Variants in SLAMF9 observed in about 807,000 individuals in gnomAD.
The protein encoded by SLAMF9 is SLAM family member 9, also known as CD2 family member 10.
SLAMF9 carries 25 observed loss-of-function variants against 30.4 expected under a neutral mutation model. The ratio of observed to expected loss-of-function variants is 0.82; its 90% CI spans 0.60 to 1.15. SLAMF9 has a LOEUF of 1.15. Among genes scored for constraint, SLAMF9 ranks in the 50% most tolerant of loss-of-function variants. The pLI is 0.00. For missense variants in SLAMF9, 344 were observed against 346.1 expected (o/e 0.99, Z 0.05); for synonymous variants, 129 against 127.2 (o/e 1.01, Z -0.09).
rs570171644 is a variant in SLAMF9, at chr1:159,953,956, C to T, written c.46+136G>A. The T allele has an allele frequency of 1.4e-5, 15 of 1,063,832 alleles. No individual in the cohort carries two copies. The East Asian group carries it at 3.0e-4, about 21-fold the overall frequency. The allele number at this position is 1,063,832 out of a possible 1,614,324, so 65.9% of individuals were successfully genotyped here. On this transcript the variant is annotated intron_variant, in intron 1 of 3. Coordinates refer to ENST00000368093, the MANE Select transcript of SLAMF9 (RefSeq NM_033438.4). Reference sequence around the variant, plus strand: ...CTCTCGGTCCTGCCCTGAAGCCACACACCCTACTCCTTGTAACTCCAGAAG... The same window carrying T: ...CTCTCGGTCCTGCCCTGAAGCCACATACCCTACTCCTTGTAACTCCAGAAG...
chr1:159,955,171 G>C (rs912110037), upstream of SLAMF9, among the ~76,000 whole-genome samples: 1 of 151,940 alleles, frequency 6.6e-6, no homozygotes, highest in African/African-American at 2.4e-5. Flanking sequence ...ACTTTAAATC[G>C]TTTTGTGAGA....
At position 159,952,546 on chromosome 1, in the gene SLAMF9, G is replaced by A. The variant is rs1021231513; in HGVS notation, c.392-12C>T. ...CTCTGACAGCCATCCTGGATGAAGGGGAAACACAAAGACCCTCTAAACAAT... is the reference window on the plus strand; with the variant it reads ...CTCTGACAGCCATCCTGGATGAAGGAGAAACACAAAGACCCTCTAAACAAT... On this transcript the variant is annotated splice_polypyrimidine_tract_variant and intron_variant, in intron 2 of 3. Transcript: ENST00000368093. 5.6e-6 allele frequency: 9 copies of A among 1,611,858 alleles called. No individual in the cohort carries two copies. The highest frequency in any genetic ancestry group is 7.6e-6 in the Non-Finnish European group (9 of 1,178,854).
the SLAMF9 span, among the ~76,000 whole-genome samples, chr1:159,963,130 G>A: frequency 3.3e-5 from 5 of 152,172 alleles, no homozygotes; most frequent in African/African-American, 9.7e-5. Context: ...TTTATAGGGT[G>A]GTTGGGAAAA....
At chr1:159,973,886 G>A in the SLAMF9 span, 2 of 1,612,150 alleles carry the variant, frequency 1.2e-6, no homozygotes, top group South Asian at 2.2e-5. Context: ...ACTGGCCACG[G>A]CTCTGCATTG....
the SLAMF9 span, among the ~76,000 whole-genome samples, chr1:159,975,605 T>G: frequency 6.6e-6 from 1 of 151,968 alleles, no homozygotes; most frequent in Admixed American, 6.6e-5. Flanking sequence ...TGAATCAAAC[T>G]TGCATTCGAG....
At chr1:159,954,346 A>G, upstream of SLAMF9, 1 of 439,512 alleles carries the variant, frequency 2.3e-6, no homozygotes, top group East Asian at 3.7e-5. Context: ...GTTCTCTTTC[A>G]GATCCTGATT....
chr1:159,980,605 G>C, the SLAMF9 span: 1 of 152,160 alleles, frequency 6.6e-6, no homozygotes, highest in Non-Finnish European at 1.5e-5. Context: ...GCAATGGTGC[G>C]ATCTCAGTTC....
At chr1:159,957,121 C>CGAA (rs1651938498), upstream of SLAMF9, among the ~76,000 whole-genome samples, 1 of 73,186 alleles carries the variant, frequency 1.4e-5, no homozygotes, top group Non-Finnish European at 2.2e-5. Context: ...GACTCTGTCT[C>CGAA]AAAAAAAAAA....
chr1:159,969,184 G>A, the SLAMF9 span, among the ~76,000 whole-genome samples: 2 of 151,526 alleles, frequency 1.3e-5, no homozygotes, highest in African/African-American at 2.4e-5. Flanking sequence ...GGAAGAAGAG[G>A]TGGAGAGAAG....
the SLAMF9 span, among the ~76,000 whole-genome samples, chr1:159,970,857 T>A: frequency 6.6e-6 from 1 of 152,232 alleles, no homozygotes; most frequent in African/African-American, 2.4e-5. Context: ...AAAGCTGTTA[T>A]ATTCATGGTT....
the SLAMF9 span, among the ~76,000 whole-genome samples, chr1:159,980,408 C>T: frequency 1.3e-5 from 2 of 152,210 alleles, no homozygotes; most frequent in Non-Finnish European, 2.9e-5. Flanking sequence ...GGTAGAAAGA[C>T]ACCCAACCTC....
At chr1:159,969,015 C>A in the SLAMF9 span, among the ~76,000 whole-genome samples, 1 of 151,040 alleles carries the variant, frequency 6.6e-6, no homozygotes, top group African/African-American at 2.4e-5. Context: ...GGACTCCAGC[C>A]TGAGTGACAA....
At chr1:159,963,874 C>T in the SLAMF9 span, among the ~76,000 whole-genome samples, 1 of 152,122 alleles carries the variant, frequency 6.6e-6, no homozygotes. Context: ...GCCTGGCCAA[C>T]ATAGTCAAAT....
the SLAMF9 span, among the ~76,000 whole-genome samples, chr1:159,966,463 C>T: frequency 6.6e-6 from 1 of 152,076 alleles, no homozygotes; most frequent in African/African-American, 2.4e-5. Context: ...CATTTTAATT[C>T]CTTTGGATAT....
the SLAMF9 span, among the ~76,000 whole-genome samples, chr1:159,981,347 T>G: frequency 6.6e-6 from 1 of 152,156 alleles, no homozygotes; most frequent in South Asian, 2.1e-4. Context: ...CCTCCAGATA[T>G]ATGAGGAAAT....
the SLAMF9 span, among the ~76,000 whole-genome samples, chr1:159,964,038 T>A: frequency 0.011 from 1,654 of 152,246 alleles, 14 homozygotes; most frequent in South Asian, 0.033. Flanking sequence ...CCAGCCTAGG[T>A]GACAATGCAA....
chr1:159,977,353 C>G, the SLAMF9 span, among the ~76,000 whole-genome samples: 1 of 152,180 alleles, frequency 6.6e-6, no homozygotes, highest in Non-Finnish European at 1.5e-5. Flanking sequence ...TAGTTACAGT[C>G]TGAGTTCCCA....
chr1:159,974,344 C>T, the SLAMF9 span, among the ~76,000 whole-genome samples: 1 of 152,072 alleles, frequency 6.6e-6, no homozygotes, highest in Non-Finnish European at 1.5e-5. Flanking sequence ...CTGATCCTAC[C>T]ATATATTGGG....
At chr1:159,969,077 T>C in the SLAMF9 span, among the ~76,000 whole-genome samples, 1 of 151,736 alleles carries the variant, frequency 6.6e-6, no homozygotes, top group Non-Finnish European at 1.5e-5. Flanking sequence ...AGGGAAGAGC[T>C]TGGGGATTCC....
Sources: gnomAD v4.1 joint callset for allele counts (sites outside exome capture counted in the v4.1 genomes callset) on GRCh38, gnomAD v4.1.1 for gene constraint, MANE v1.5 for transcripts, NCBI Gene and HGNC (gene_info 2026-07-23, HGNC 2026-07-21) for gene names.